Variants in BARX2 observed in about 807,000 individuals in gnomAD.
BARX2 encodes BARX homeobox 2.
A neutral mutation model predicts 25.5 loss-of-function variants in BARX2; 11 were observed. That is an observed-to-expected ratio of 0.43 (90% confidence interval 0.27 to 0.71). BARX2 has a LOEUF of 0.71. Ranked by LOEUF, BARX2 falls within the 30% of genes least tolerant of loss-of-function variation. The pLI, the probability that BARX2 is intolerant of heterozygous loss-of-function variation, is 0.19. For missense variants in BARX2, 360 were observed against 359.9 expected (o/e 1.00, Z 0.00); for synonymous variants, 137 against 149.5 (o/e 0.92, Z 0.61).
intron 1 of BARX2, among the ~76,000 whole-genome samples, chr11:129,411,473 G>A (rs1038301060): frequency 3.5e-4 from 53 of 152,158 alleles, no homozygotes; most frequent in Admixed American, 6.5e-5. Context: ...GCACTTTCAG[G>A]GGAGCTTTGC....
chr11:129,410,018 A>G (rs1273100702), intron 1 of BARX2, among the ~76,000 whole-genome samples: 2 of 152,142 alleles, frequency 1.3e-5, no homozygotes, highest in Non-Finnish European at 2.9e-5. Context: ...TATGGGCCTT[A>G]ATAGCCTCAT....
At position 129,431,221 on chromosome 11, in the gene BARX2, G is replaced by T. The variant is rs183023136; in HGVS notation, c.188-5530G>T. 2.6e-5 allele frequency among the ~76,000 whole-genome samples: 4 copies of T among 152,236 alleles called. No individual in the cohort carries two copies. The East Asian group carries it at 7.7e-4, about 29-fold the overall frequency. On this transcript the variant is annotated intron_variant, in intron 1 of 3. Coordinates refer to ENST00000281437, the MANE Select transcript of BARX2 (RefSeq NM_003658.5). The stretch of plus-strand genomic sequence containing the variant: ...TCCATCCCCAAATGAGGGACATTTG[G>T]ATTGTTTCTAGTTTTTGATAATTAC...
intron 1 of BARX2, among the ~76,000 whole-genome samples, chr11:129,432,781 A>G (rs992145658): frequency 5.3e-5 from 8 of 152,224 alleles, no homozygotes; most frequent in African/African-American, 1.9e-4. Flanking sequence ...AAAATTTTAA[A>G]AAAAAGATAC....
intron 1 of BARX2, among the ~76,000 whole-genome samples, chr11:129,427,758 G>T (rs1862082554): frequency 6.6e-6 from 1 of 152,182 alleles, no homozygotes; most frequent in Admixed American, 6.5e-5. Context: ...GCGGGGACCT[G>T]GCTTCTGCCA....
chr11:129,419,907 A>G (rs1331980611), intron 1 of BARX2, among the ~76,000 whole-genome samples: 1 of 151,882 alleles, frequency 6.6e-6, no homozygotes, highest in Non-Finnish European at 1.5e-5. Context: ...CGGCCTCCCA[A>G]GTAGCTGAGA....
intron 1 of BARX2, among the ~76,000 whole-genome samples, chr11:129,421,891 T>C (rs1290874071): frequency 3.9e-5 from 6 of 152,226 alleles, no homozygotes; most frequent in Non-Finnish European, 7.4e-5. Flanking sequence ...TGTATACTTT[T>C]ATACTGGCAT....
intron 1 of BARX2, among the ~76,000 whole-genome samples, chr11:129,408,279 G>A (rs971423408): frequency 6.6e-6 from 1 of 152,126 alleles, no homozygotes; most frequent in Non-Finnish European, 1.5e-5. Context: ...TAAAAATCCC[G>A]ATGATGTCAT....
Position 129,381,022 on chromosome 11 carries a change from G to A in BARX2, c.187+4800G>A, listed in dbSNP as rs535478471. ...GAACTCCTAATCTCGTGATCCACCC[G>A]CCTCGGCCTCCCAAAGTGCTGGGAT... On this transcript the variant is annotated intron_variant, in intron 1 of 3. Transcript: ENST00000281437. 1.1e-4 allele frequency among the ~76,000 whole-genome samples: 17 copies of A among 152,154 alleles called. No individual in the cohort carries two copies. The South Asian group carries it at 3.1e-3, about 28-fold the overall frequency.
chr11:129,423,061 T>C (rs1201607626), intron 1 of BARX2, among the ~76,000 whole-genome samples: 1 of 151,802 alleles, frequency 6.6e-6, no homozygotes, highest in Non-Finnish European at 1.5e-5. Flanking sequence ...AGTCAAGCCA[T>C]AGAGAGATTT....
intron 1 of BARX2, among the ~76,000 whole-genome samples, chr11:129,419,348 C>T (rs761136825): frequency 1.3e-5 from 2 of 152,194 alleles, no homozygotes; most frequent in Admixed American, 6.5e-5. Context: ...GCTGTAGGAA[C>T]TTCACTCTTG....
chr11:129,447,360 G>C (rs1193643847), intron 3 of BARX2, among the ~76,000 whole-genome samples: 1 of 152,172 alleles, frequency 6.6e-6, no homozygotes, highest in Non-Finnish European at 1.5e-5. Context: ...TGGTGTCCTA[G>C]GTGTTCTTCC....
chr11:129,391,282 T>G (rs1331583229), intron 1 of BARX2, among the ~76,000 whole-genome samples: 3 of 152,188 alleles, frequency 2.0e-5, no homozygotes, highest in African/African-American at 7.2e-5. Flanking sequence ...TCGTGACCTG[T>G]GAAAATTATG....
At chr11:129,400,410 C>T (rs1041870570) in intron 1 of BARX2, among the ~76,000 whole-genome samples, 1 of 152,104 alleles carries the variant, frequency 6.6e-6, no homozygotes, top group African/African-American at 2.4e-5. Flanking sequence ...TAAGCTGAAT[C>T]TTAAAGGATA....
chr11:129,413,274 T>C (rs1861908508), intron 1 of BARX2, among the ~76,000 whole-genome samples: 1 of 152,180 alleles, frequency 6.6e-6, no homozygotes, highest in Non-Finnish European at 1.5e-5. Context: ...TAAAGGAATT[T>C]GTCAAAAGCC....
At chr11:129,426,779 G>A (rs1862068228) in intron 1 of BARX2, among the ~76,000 whole-genome samples, 1 of 151,570 alleles carries the variant, frequency 6.6e-6, no homozygotes, top group Admixed American at 6.6e-5. Flanking sequence ...TGTGCCTTGG[G>A]ACCCTCAAAC....
intron 1 of BARX2, among the ~76,000 whole-genome samples, chr11:129,391,498 A>C (rs544179536): frequency 6.6e-6 from 1 of 152,266 alleles, no homozygotes. Context: ...AGACTGTTGG[A>C]AGCAGAGCTC....
chr11:129,407,583 A>C (rs1224967456), intron 1 of BARX2, among the ~76,000 whole-genome samples: 1 of 152,198 alleles, frequency 6.6e-6, no homozygotes, highest in East Asian at 1.9e-4. Context: ...GACAGCTGTG[A>C]AATCAGATGT....
At chr11:129,396,265 C>G (rs1308909138) in intron 1 of BARX2, among the ~76,000 whole-genome samples, 2 of 152,104 alleles carry the variant, frequency 1.3e-5, no homozygotes, top group Non-Finnish European at 2.9e-5. Context: ...CTTTACAGCA[C>G]TTTTCTTCTC....
At chr11:129,433,874 A>C (rs1427740330) in intron 1 of BARX2, among the ~76,000 whole-genome samples, 3 of 152,128 alleles carry the variant, frequency 2.0e-5, no homozygotes, top group African/African-American at 7.2e-5. Context: ...TGCCTCCCCA[A>C]ATGGATGTAA....
Sources: allele counts gnomAD v4.1 joint callset (sites outside exome capture counted in the v4.1 genomes callset), GRCh38; gene constraint gnomAD v4.1.1; transcripts MANE v1.5; gene names NCBI Gene and HGNC (gene_info 2026-07-23, HGNC 2026-07-21).